ASB11: variants seen among roughly 807,000 people sequenced by gnomAD.
The protein encoded by ASB11 is ankyrin repeat and SOCS box protein 11.
Under a neutral mutation model 20.1 loss-of-function variants are expected in ASB11, and 17 were observed. The ratio of observed to expected loss-of-function variants is 0.85; its 90% CI spans 0.58 to 1.27. The LOEUF (loss-of-function observed/expected upper bound fraction) is 1.27. Among genes scored for constraint, ASB11 ranks in the 50% most tolerant of loss-of-function variants. ASB11 has a pLI of 0.00. For synonymous variants in ASB11, 107 were observed against 105.6 expected (o/e 1.01, Z -0.08); for missense variants, 259 against 256.9 (o/e 1.01, Z -0.06).
intron 1 of ASB11, among the ~76,000 whole-genome samples, chrX:15,309,405 G>A (rs1223687494): frequency 9.2e-6 from 1 of 108,997 alleles, no homozygotes. Flanking sequence ...CCCTAGATGG[G>A]ACCATCTAGT....
intron 6 of ASB11, among the ~76,000 whole-genome samples, chrX:15,284,096 CA>C (rs1320389375): frequency 3.8e-5 from 4 of 106,172 alleles, no homozygotes; most frequent in East Asian, 6.0e-4. Context: ...ACTAAAAATA[CA>C]AAAAATTAGC....
chrX:15,291,972 T>G (rs1430151511), intron 4 of ASB11: 18 of 105,453 alleles, frequency 1.7e-4, no homozygotes, highest in African/African-American at 5.9e-4. Flanking sequence ...GAGCCAGAGG[T>G]TGCAATGAGC....
At chrX:15,297,289 A>AAAAAC (rs773735630) in intron 3 of ASB11, among the ~76,000 whole-genome samples, 3 of 111,449 alleles carry the variant, frequency 2.7e-5, no homozygotes, top group African/African-American at 3.3e-5. Flanking sequence ...ACTCCGTCTC[A>AAAAAC]AAAACAAAAC....
rs1423539777 is a variant in ASB11, at chrX:15,300,846, TA to T, written c.261+1881del. On this transcript the variant is annotated intron_variant, in intron 2 of 6. Coordinates refer to ENST00000480796, the MANE Select transcript of ASB11 (RefSeq NM_080873.3). Reference sequence around the variant, plus strand: ...TTATACAAAAATTTAAAAAGCCTATTAAAAATATACCAATGAAAGTATTGAG... The same window carrying T: ...TTATACAAAAATTTAAAAAGCCTATTAAAATATACCAATGAAAGTATTGAG... Among the ~76,000 whole-genome samples the T allele has an allele frequency of 3.6e-5, 4 of 112,045 alleles. No homozygotes were observed. In the Admixed American group the frequency reaches 3.8e-4, roughly 11 times the overall value.
intron 1 of ASB11, 132 bp from the exon 2 acceptor site, chrX:15,302,939 A>G: frequency 1.9e-6 from 1 of 531,915 alleles, no homozygotes. Flanking sequence ...ATCACGCATC[A>G]GGCTCTCTCG....
intron 4 of ASB11, among the ~76,000 whole-genome samples, chrX:15,291,674 T>G (rs1455211496): frequency 9.6e-6 from 1 of 104,570 alleles, no homozygotes; most frequent in Non-Finnish European, 2.0e-5. Flanking sequence ...GCCATTGCAC[T>G]CCAGCCTGTG....
intron 2 of ASB11, among the ~76,000 whole-genome samples, chrX:15,300,203 G>C (rs1322750631): frequency 6.2e-5 from 7 of 112,405 alleles, no homozygotes; most frequent in African/African-American, 2.3e-4. Context: ...TGAAATTGTA[G>C]AAATGTGATG....
At chrX:15,298,054 G>A (rs1282764068) in intron 2 of ASB11, among the ~76,000 whole-genome samples, 1 of 111,847 alleles carries the variant, frequency 8.9e-6, no homozygotes, top group Non-Finnish European at 1.9e-5. Context: ...TAGGACCTGG[G>A]TCTTCAAAAC....
intron 1 of ASB11, 122 bp from the exon 2 acceptor site, chrX:15,302,929 A>G: frequency 3.5e-6 from 2 of 574,510 alleles, no homozygotes; most frequent in Non-Finnish European, 5.8e-6. Context: ...GGAAGCAGGT[A>G]TCACGCATCA....
intron 5 of ASB11, 114 bp from the exon 6 acceptor site, chrX:15,288,186 A>G (rs1927442688): frequency 9.9e-6 from 8 of 806,228 alleles, no homozygotes; most frequent in Non-Finnish European, 1.4e-5. Flanking sequence ...TACTTGACAA[A>G]TGTTTGAAAA....
Position 15,308,295 on chromosome X carries a change from G to T in ASB11, c.182-5488C>A, listed in dbSNP as rs760486028. 4.5e-5 allele frequency among the ~76,000 whole-genome samples: 5 copies of T among 112,110 alleles called. No homozygotes were observed. The East Asian group carries it at 1.1e-3, about 25-fold the overall frequency. On this transcript the variant is annotated intron_variant, in intron 1 of 6. Coordinates refer to ENST00000480796, the MANE Select transcript of ASB11 (RefSeq NM_080873.3). ...GTCTGTCATCACTGCAGCATCCTCT[G>T]ATGTCCCCAACTCTGATCCTGTGCC...
At chrX:15,288,634 A>G (rs1927450769) in intron 5 of ASB11, among the ~76,000 whole-genome samples, 2 of 111,554 alleles carry the variant, frequency 1.8e-5, no homozygotes, top group African/African-American at 6.5e-5. Context: ...CTGTAATCCC[A>G]GCACTTTGGG....
intron 6 of ASB11, among the ~76,000 whole-genome samples, chrX:15,285,140 C>CTTT (rs767822616): frequency 1.5e-4 from 12 of 81,538 alleles, no homozygotes; most frequent in African/African-American, 3.2e-4. Flanking sequence ...TTTAATCTTT[C>CTTT]TTTTTTTTTT....
chrX:15,315,537 G>GA lies in ASB11; in HGVS notation c.68dup (p.Phe24LeufsTer2), dbSNP rs770804405. Reference sequence around the variant, plus strand: ...AAAAAACTTTAATTAAAAGCTTAAAGAAAAAAAACGTAGCAAACATTGTAA... The same window carrying GA: ...AAAAAACTTTAATTAAAAGCTTAAAGAAAAAAAAACGTAGCAAACATTGTAA... On this transcript the variant is annotated frameshift_variant, in exon 1 of 7. Coordinates refer to ENST00000480796, the MANE Select transcript of ASB11 (RefSeq NM_080873.3). LOFTEE classifies it high-confidence loss of function. The GA allele has an allele frequency of 3.7e-5, 44 of 1,185,545 alleles. No individual in the cohort carries two copies. Among genetic ancestry groups the GA allele is most frequent in the African/African-American group, 2.2e-4 (12 of 55,638 alleles).
At chrX:15,305,626 T>TAGATAGAC (rs1254684373) in intron 1 of ASB11, among the ~76,000 whole-genome samples, 1 of 111,027 alleles carries the variant, frequency 9.0e-6, no homozygotes, top group Non-Finnish European at 1.9e-5. Context: ...GATAGATAGA[T>TAGATAGAC]AGATAGATAG....
At position 15,282,100 on chromosome X, in the gene ASB11, T is replaced by C. The variant is rs1047388148; in HGVS notation, c.*1405A>G. 5 of 110,793 alleles carry C rather than the reference T, an allele frequency of 4.5e-5. No individual in the cohort carries two copies. Among genetic ancestry groups the C allele is most frequent in the Non-Finnish European group, 9.4e-5 (5 of 52,926 alleles). 9.1% of individuals were successfully genotyped at this position (110,793 alleles called of 1,213,427 possible). On this transcript the variant is annotated 3_prime_UTR_variant, in exon 7 of 7. Transcript: ENST00000480796. Reference sequence around the variant, plus strand: ...ATAGTAGCAATTCTCCCCCAGTTGTTGCAACTAAACATGTCTGCAGACATT... The same window carrying C: ...ATAGTAGCAATTCTCCCCCAGTTGTCGCAACTAAACATGTCTGCAGACATT...
chrX:15,284,233 C>A (rs1361057022), intron 6 of ASB11, among the ~76,000 whole-genome samples: 9 of 85,387 alleles, frequency 1.1e-4, no homozygotes, highest in Non-Finnish European at 1.9e-4. Context: ...GCCTGGGCGA[C>A]AGAGCGAGAC....
chrX:15,306,871 T>C (rs776292530), intron 1 of ASB11, among the ~76,000 whole-genome samples: 1 of 112,299 alleles, frequency 8.9e-6, no homozygotes, highest in Non-Finnish European at 1.9e-5. Flanking sequence ...CATGTTACGC[T>C]CTTGCCTAGT....
chrX:15,295,228 A>G (rs1920956659), intron 3 of ASB11, among the ~76,000 whole-genome samples: 1 of 109,966 alleles, frequency 9.1e-6, no homozygotes, highest in Non-Finnish European at 1.9e-5. Flanking sequence ...TTTTTAGTAG[A>G]GACGGGGTTT....
Sources: allele counts gnomAD v4.1 joint callset (sites outside exome capture counted in the v4.1 genomes callset), GRCh38; gene constraint gnomAD v4.1.1; transcripts MANE v1.5; gene names NCBI Gene and HGNC (gene_info 2026-07-23, HGNC 2026-07-21).